LZTFL1: variants seen among roughly 807,000 people sequenced by gnomAD.
LZTFL1 encodes leucine zipper transcription factor-like protein 1.
In LZTFL1, 25 loss-of-function variants were observed where a neutral mutation model predicts 45.9. The ratio of observed to expected loss-of-function variants is 0.54; its 90% CI spans 0.40 to 0.76. The LOEUF (loss-of-function observed/expected upper bound fraction) is 0.76. Among genes scored for constraint, LZTFL1 ranks in the 30% least tolerant of loss-of-function variants. The probability of loss-of-function intolerance (pLI) is 0.00; values close to 1 mark genes in which losing one functional copy is unlikely to be tolerated. For missense variants in LZTFL1, 277 were observed against 331.1 expected, an observed-to-expected ratio of 0.84 and a Z score of 1.27; for synonymous variants, 93 against 117.4, an observed-to-expected ratio of 0.79 and a Z score of 1.35.
intron 1 of LZTFL1, among the ~76,000 whole-genome samples, chr3:45,839,732 T>C (rs1416842754): frequency 6.6e-6 from 1 of 152,228 alleles, no homozygotes; most frequent in Admixed American, 6.5e-5. Flanking sequence ...TCATGGCTGA[T>C]TTCAAGCCAC....
At chr3:45,871,481 A>G (rs1701670475) in intron 2 of LZTFL1, among the ~76,000 whole-genome samples, 1 of 152,226 alleles carries the variant, frequency 6.6e-6, no homozygotes, top group African/African-American at 2.4e-5. Flanking sequence ...CTCATCTGGG[A>G]AGAAAACTTT....
At chr3:45,870,231 T>A (rs1369907275) in intron 2 of LZTFL1, among the ~76,000 whole-genome samples, 1 of 152,224 alleles carries the variant, frequency 6.6e-6, no homozygotes, top group African/African-American at 2.4e-5. Context: ...ACCAGGTGCC[T>A]GGCTGTCAGG....
At chr3:45,915,632 C>T (rs1328224296) in exon 1 of LZTFL1, 2 of 391,182 alleles carry the variant, frequency 5.1e-6, no homozygotes, top group Non-Finnish European at 1.0e-5. Context: ...AGGTTTTGTT[C>T]ATTTTTTAGC....
In LZTFL1 at chr3:45,900,671, G is replaced by A; in HGVS notation, c.-215+12449C>T. 3 of 759,336 alleles carry A rather than the reference G, an allele frequency of 4.0e-6. No individual in the cohort carries two copies. Among genetic ancestry groups the A allele is most frequent in the Non-Finnish European group, 6.5e-6 (3 of 461,236 alleles). The allele number at this position is 759,336 out of a possible 1,614,324, so 47.0% of individuals were successfully genotyped here. ...TAAATATGTCACAACCCAAGCAGATGTCCTCAGAATGCCTATGTGTCTTTG... is the reference window on the plus strand; with the variant it reads ...TAAATATGTCACAACCCAAGCAGATATCCTCAGAATGCCTATGTGTCTTTG... On this transcript the variant is annotated intron_variant, in intron 2 of 4. Coordinates refer to the LZTFL1 transcript ENST00000472635. The surrounding 1 kb of genome is among the most constrained non-coding windows in gnomAD (Gnocchi z 4.7).
chr3:45,869,142 A>T (rs1701628617), intron 2 of LZTFL1, among the ~76,000 whole-genome samples: 1 of 152,200 alleles, frequency 6.6e-6, no homozygotes, highest in Non-Finnish European at 1.5e-5. Flanking sequence ...ATGGGCAGGA[A>T]GGGATGGGCA....
At chr3:45,885,610 C>CA (rs1701958552) in intron 2 of LZTFL1, among the ~76,000 whole-genome samples, 1 of 152,134 alleles carries the variant, frequency 6.6e-6, no homozygotes, top group African/African-American at 2.4e-5. Flanking sequence ...GCACTGTTGG[C>CA]GACGATGGAC....
chr3:45,834,786 AG>A, intron 3 of LZTFL1: 1 of 153,850 alleles, frequency 6.5e-6, no homozygotes, highest in South Asian at 2.0e-4. Context: ...AGATTTGCAA[AG>A]GCCAATGAGA....
chr3:45,842,211 T>A, upstream of LZTFL1: 1 of 1,408,886 alleles, frequency 7.1e-7, no homozygotes, highest in Non-Finnish European at 9.3e-7. Flanking sequence ...CGTAACCGGT[T>A]GACTGCCACA....
At chr3:45,847,953 A>C (rs1246257296) in intron 4 of LZTFL1, among the ~76,000 whole-genome samples, 1 of 152,192 alleles carries the variant, frequency 6.6e-6, no homozygotes, top group Admixed American at 6.5e-5. Context: ...TGGTGTCTTG[A>C]AACTCACCTA....
At chr3:45,851,076 C>T (rs1259908677) in intron 4 of LZTFL1, among the ~76,000 whole-genome samples, 1 of 152,166 alleles carries the variant, frequency 6.6e-6, no homozygotes, top group African/African-American at 2.4e-5. Context: ...GCTCCCCACA[C>T]CCCATCATAG....
chr3:45,874,190 C>A (rs1207950378), intron 2 of LZTFL1, among the ~76,000 whole-genome samples: 1 of 152,134 alleles, frequency 6.6e-6, no homozygotes, highest in African/African-American at 2.4e-5. Flanking sequence ...CTCTTTCCTA[C>A]ATCTCTATTT....
At chr3:45,872,887 C>T (rs897136893) in intron 2 of LZTFL1, among the ~76,000 whole-genome samples, 3 of 152,122 alleles carry the variant, frequency 2.0e-5, no homozygotes, top group African/African-American at 7.2e-5. Context: ...TGAGGTGCTT[C>T]TAAAGGCAAG....
intron 2 of LZTFL1, among the ~76,000 whole-genome samples, chr3:45,904,408 G>A (rs1020282661): frequency 6.6e-6 from 1 of 152,202 alleles, no homozygotes; most frequent in East Asian, 1.9e-4. Context: ...ACTAGACCAG[G>A]ACTGGACGCC....
rs1559421614 is a variant in LZTFL1 at position 45,890,337 on chromosome 3, C to CATATATATATTTATATAA, written c.-215+22782_-215+22783insTTATATAAATATATATAT. 4.9e-4 allele frequency among the ~76,000 whole-genome samples: 31 copies of CATATATATATTTATATAA among 63,118 alleles called. 6 individuals are homozygous for CATATATATATTTATATAA. Among genetic ancestry groups the CATATATATATTTATATAA allele is most frequent in the African/African-American group, 2.4e-3 (19 of 7,974 alleles). The allele number at this position is 63,118 out of a possible 152,430, so 41.4% of individuals were successfully genotyped here. A position where few individuals can be genotyped will look rare whatever the true frequency, so the allele number is the denominator to read the frequency against. ...TATATTTATATAAATATATATATAA[C>CATATATATATTTATATAA]ATATATATATAACATATATATATAT... is the stretch of plus-strand genomic sequence containing the variant. On this transcript the variant is annotated intron_variant, in intron 2 of 4. Transcript: ENST00000472635.
In LZTFL1 at chr3:45,835,697, C is replaced by T. The variant is rs750684646; in HGVS notation, c.216G>A (p.Glu72=). The T allele has an allele frequency of 6.2e-7, 1 of 1,614,136 alleles. No individual in the cohort carries two copies. The highest frequency in any genetic ancestry group is 1.1e-5 in the South Asian group (1 of 91,090). ...QAVVHSEVES[E]LINTAYTNVL... ...CATTGGTATAGGCAGTGTTGATGAGCTCAGATTCCACCTCACTATGAACCA... is the reference window on the plus strand; with the variant it reads ...CATTGGTATAGGCAGTGTTGATGAGTTCAGATTCCACCTCACTATGAACCA... The change falls in exon 3 of 10, where the codon GAG becomes GAA. Residue 72 remains glutamate, a synonymous_variant. Coordinates refer to ENST00000296135, the MANE Select transcript of LZTFL1 (RefSeq NM_020347.4).
intron 2 of LZTFL1, among the ~76,000 whole-genome samples, chr3:45,893,098 T>G (rs1452114003): frequency 6.6e-6 from 1 of 151,974 alleles, no homozygotes; most frequent in Non-Finnish European, 1.5e-5. Flanking sequence ...CACTGAGGTT[T>G]CCTTTGTACC....
chr3:45,899,279 T>C (rs572547358), intron 2 of LZTFL1, among the ~76,000 whole-genome samples: 10 of 152,328 alleles, frequency 6.6e-5, no homozygotes, highest in Admixed American at 3.3e-4. Flanking sequence ...TCTCAACTAT[T>C]TTAACCATTA....
intron 2 of LZTFL1, among the ~76,000 whole-genome samples, chr3:45,878,507 G>A (rs754736181): frequency 1.3e-5 from 2 of 152,054 alleles, no homozygotes; most frequent in Non-Finnish European, 2.9e-5. Context: ...GGTGAGGCTG[G>A]GGGATGGGGC....
intron 2 of LZTFL1, among the ~76,000 whole-genome samples, chr3:45,859,860 C>T (rs1377346061): frequency 2.4e-4 from 36 of 152,088 alleles, no homozygotes. Flanking sequence ...TGGTCCTGAA[C>T]TACTGACCTC....
Sources: allele counts gnomAD v4.1 joint callset (sites outside exome capture counted in the v4.1 genomes callset), GRCh38; gene constraint gnomAD v4.1.1; non-coding constraint Gnocchi (gnomAD v3.1); transcripts MANE v1.5; gene names NCBI Gene and HGNC (gene_info 2026-07-23, HGNC 2026-07-21).